AUTS2: variants seen among roughly 807,000 people sequenced by gnomAD.
The protein encoded by AUTS2 is activator of transcription and developmental regulator AUTS2.
In AUTS2, 17 loss-of-function variants were observed where a neutral mutation model predicts 112.4. The observed-to-expected ratio is 0.15, with a 90% CI of 0.10 to 0.23. AUTS2 has a LOEUF of 0.23. Among genes scored for constraint, AUTS2 ranks in the 10% least tolerant of loss-of-function variants. The pLI, the probability that AUTS2 is intolerant of heterozygous loss-of-function variation, is 1.00. For missense variants in AUTS2, 1,510 were observed against 1,701.6 expected (o/e 0.89, Z 1.98); for synonymous variants, 751 against 702.7 (o/e 1.07, Z -1.09).
intron 5 of AUTS2, among the ~76,000 whole-genome samples, chr7:70,541,075 G>C (rs1458518016): frequency 6.6e-6 from 1 of 152,112 alleles, no homozygotes; most frequent in Non-Finnish European, 1.5e-5. Context: ...TCTAAATCCA[G>C]TCCCCTTTCT....
chr7:70,352,441 C>G (rs1400051373), intron 4 of AUTS2, among the ~76,000 whole-genome samples: 1 of 152,044 alleles, frequency 6.6e-6, no homozygotes, highest in East Asian at 1.9e-4. Context: ...CTGTCTCATT[C>G]ATTTGTGCCC....
intron 5 of AUTS2, among the ~76,000 whole-genome samples, chr7:70,591,370 C>T (rs1017454339): frequency 2.7e-5 from 4 of 149,378 alleles, no homozygotes; most frequent in South Asian, 2.1e-4. Context: ...TTCCTAGCAA[C>T]GGGTTTACCC....
At chr7:69,993,926 T>TA (rs1798842164) in intron 2 of AUTS2, among the ~76,000 whole-genome samples, 1 of 152,180 alleles carries the variant, frequency 6.6e-6, no homozygotes, top group African/African-American at 2.4e-5. Flanking sequence ...GACGTCAACT[T>TA]ACAGCAAGAG....
At chr7:69,870,015 A>G (rs1168575473) in intron 1 of AUTS2, among the ~76,000 whole-genome samples, 2 of 152,188 alleles carry the variant, frequency 1.3e-5, no homozygotes, top group African/African-American at 4.8e-5. Context: ...CCCAGTTTTC[A>G]TAAATGATTT....
At chr7:70,306,789 G>T (rs190048397) in intron 4 of AUTS2, among the ~76,000 whole-genome samples, 1 of 152,256 alleles carries the variant, frequency 6.6e-6, no homozygotes. Flanking sequence ...GTCCGTAATC[G>T]CTGGAGGTTT....
chr7:70,613,617 G>A (rs1804208507), intron 5 of AUTS2, among the ~76,000 whole-genome samples: 1 of 152,152 alleles, frequency 6.6e-6, no homozygotes, highest in Admixed American at 6.5e-5. Context: ...CCCAGGGATG[G>A]ACAGAAGAAG....
intron 7 of AUTS2, among the ~76,000 whole-genome samples, 175 bp downstream of exon 7, chr7:70,763,516 G>A (rs1442173630): frequency 6.6e-6 from 1 of 152,140 alleles, no homozygotes; most frequent in East Asian, 1.9e-4. Flanking sequence ...GGTCTCTTGG[G>A]AAAGGACAGG....
At chr7:70,411,797 A>G (rs1794787890) in intron 4 of AUTS2, among the ~76,000 whole-genome samples, 1 of 152,320 alleles carries the variant, frequency 6.6e-6, no homozygotes, top group Non-Finnish European at 1.5e-5. Flanking sequence ...AACTATGACA[A>G]CATGGCAGGT....
intron 1 of AUTS2, among the ~76,000 whole-genome samples, chr7:69,882,150 C>CAA (rs57238970): frequency 8.8e-4 from 50 of 57,136 alleles, no homozygotes; most frequent in African/African-American, 1.4e-3. Flanking sequence ...AACTCTGTCT[C>CAA]AAAAAAAAAA....
intron 4 of AUTS2, among the ~76,000 whole-genome samples, chr7:70,224,136 G>A (rs1489980010): frequency 6.6e-6 from 1 of 152,048 alleles, no homozygotes; most frequent in Admixed American, 6.6e-5. Flanking sequence ...GCAATGTGGT[G>A]AAATCTTGTC....
At chr7:70,023,137 G>A (rs780545646) in intron 2 of AUTS2, among the ~76,000 whole-genome samples, 1 of 152,144 alleles carries the variant, frequency 6.6e-6, no homozygotes, top group Non-Finnish European at 1.5e-5. Context: ...GAGCCACTGT[G>A]CCCAGCCTCT....
rs575954251 is a variant in AUTS2, at chr7:70,631,288, C to T, written c.691-67281C>T. 3.2e-4 allele frequency among the ~76,000 whole-genome samples: 49 copies of T among 152,290 alleles called. No individual in the cohort carries two copies. The South Asian group carries it at 7.5e-3, about 23-fold the overall frequency. On this transcript the variant is annotated intron_variant, in intron 5 of 18. Transcript: ENST00000342771. The surrounding 1 kb of genome is among the most constrained non-coding windows in gnomAD (Gnocchi z 4.5). ...AGCAGGGCTGGGGCCCGGCTTGCTG[C>T]GGGCTGGCCGGGCTGCTGGCTCGCC...
intron 1 of AUTS2, among the ~76,000 whole-genome samples, chr7:69,873,504 A>G (rs1033236035): frequency 9.2e-5 from 14 of 151,570 alleles, no homozygotes; most frequent in Admixed American, 2.6e-4. Context: ...TCTCATTTAT[A>G]AGATGAGAGA....
At chr7:70,505,771 C>T (rs1798935349) in intron 5 of AUTS2, among the ~76,000 whole-genome samples, 1 of 152,130 alleles carries the variant, frequency 6.6e-6, no homozygotes, top group African/African-American at 2.4e-5. Context: ...ATCCTGCTAA[C>T]CAGAGGGTTT....
intron 1 of AUTS2, among the ~76,000 whole-genome samples, chr7:69,822,864 G>A (rs1407096675): frequency 6.6e-6 from 1 of 152,166 alleles, no homozygotes; most frequent in Admixed American, 6.5e-5. Context: ...TGTGAGGAAG[G>A]TTGCAATTTT....
At chr7:70,731,007 A>G (rs1787352444) in intron 6 of AUTS2, among the ~76,000 whole-genome samples, 1 of 152,210 alleles carries the variant, frequency 6.6e-6, no homozygotes, top group Non-Finnish European at 1.5e-5. Flanking sequence ...GATGTTGAGC[A>G]TCTTTTCATG....
At chr7:69,736,265 A>T (rs1484604596) in intron 1 of AUTS2, among the ~76,000 whole-genome samples, 1 of 152,144 alleles carries the variant, frequency 6.6e-6, no homozygotes, top group Non-Finnish European at 1.5e-5. Context: ...GGCAAAGAGG[A>T]ATAAAGACGC....
In AUTS2 at chr7:69,598,611, C is replaced by A; in HGVS notation, c.-1043C>A. 1 of 175,686 alleles carries A rather than the reference C, an allele frequency of 5.7e-6. No homozygotes were observed. The highest frequency in any genetic ancestry group is 1.2e-5 in the Non-Finnish European group (1 of 85,204). The allele number at this position is 175,686 out of a possible 1,614,324, so 10.9% of individuals were successfully genotyped here. On this transcript the variant is annotated 5_prime_UTR_variant, in exon 1 of 19. Transcript: ENST00000342771. ...AGCAGCGTTCCCGGCTGCGCTTCTC[C>A]CTCAGGCGGGGCGGCGAGAGAAGCG...
rs573475915 is a variant in AUTS2, at chr7:70,446,868, T to G, written c.690+11087T>G. Among the ~76,000 whole-genome samples the G allele has an allele frequency of 1.2e-3, 176 of 152,268 alleles. 2 individuals carry two copies. Among genetic ancestry groups the G allele is most frequent in the East Asian group, 7.7e-4 (4 of 5,168 alleles). ...CTGAGAAAGAAGCAGGGAAAGACTC[T>G]GTGGGGAGCCACCCAGGGGATGTTT... On this transcript the variant is annotated intron_variant, in intron 5 of 18. Transcript: ENST00000342771.
Sources: gnomAD v4.1 joint callset for allele counts (sites outside exome capture counted in the v4.1 genomes callset) on GRCh38, gnomAD v4.1.1 for gene constraint, Gnocchi (gnomAD v3.1) non-coding constraint, MANE v1.5 for transcripts, NCBI Gene and HGNC (gene_info 2026-07-23, HGNC 2026-07-21) for gene names.